The following XG variants were observed in gnomAD, a reference collection of about 807,000 sequenced individuals.
The protein encoded by XG is glycoprotein Xg.
In XG, 24 loss-of-function variants were observed where a neutral mutation model predicts 25.7. That is an observed-to-expected ratio of 0.93 (90% CI 0.68 to 1.31). XG has a LOEUF of 1.31. Ranked by LOEUF, XG falls within the 40% of genes most tolerant of loss-of-function variation. The pLI, the probability that XG is intolerant of heterozygous loss-of-function variation, is 0.00. For missense variants in XG, 181 were observed against 187.6 expected, an observed-to-expected ratio of 0.96 and a Z score of 0.21; for synonymous variants, 77 against 69.2, an observed-to-expected ratio of 1.11 and a Z score of -0.56.
At chrX:2,800,226 C>T (rs1569044046) in intron 7 of XG, among the ~76,000 whole-genome samples, 1 of 111,107 alleles carries the variant, frequency 9.0e-6, no homozygotes, top group Non-Finnish European at 1.9e-5. Context: ...GCAAGGGGGT[C>T]CTTGTTATGC....
intron 1 of XG, among the ~76,000 whole-genome samples, chrX:2,758,782 G>A (rs1004768408): frequency 1.3e-5 from 2 of 152,170 alleles, no homozygotes; most frequent in Non-Finnish European, 2.9e-5. Context: ...ATGTCAGTAG[G>A]ACTGAGGCTG....
At chrX:2,766,061 C>T (rs1263396328) in intron 1 of XG, among the ~76,000 whole-genome samples, 1 of 152,164 alleles carries the variant, frequency 6.6e-6, no homozygotes, top group African/African-American at 2.4e-5. Context: ...TAGGGTTGGA[C>T]AAAAAGGGCC....
chrX:2,761,690 T>A (rs1436081545), intron 1 of XG, among the ~76,000 whole-genome samples: 2 of 150,370 alleles, frequency 1.3e-5, no homozygotes, highest in African/African-American at 2.5e-5. Context: ...GACAGCAGCC[T>A]GAAATGGACT....
At chrX:2,776,830 GA>G (rs2051008273) in intron 3 of XG, among the ~76,000 whole-genome samples, 1 of 150,390 alleles carries the variant, frequency 6.6e-6, no homozygotes, top group African/African-American at 2.5e-5. Context: ...CTGGGCGACA[GA>G]GCGAGACTCC....
At chrX:2,763,061 T>G (rs955749232) in intron 1 of XG, among the ~76,000 whole-genome samples, 20 of 152,298 alleles carry the variant, frequency 1.3e-4, no homozygotes, top group African/African-American at 4.8e-4. Flanking sequence ...TCACCCAGGT[T>G]GCAGTGTAGT....
rs2087087631 is a variant in XG, at chrX:2,814,551, T to C, written c.*171T>C. 1 of 540,116 alleles carries C rather than the reference T, an allele frequency of 1.9e-6. No homozygotes were observed. Among genetic ancestry groups the C allele is most frequent in the Non-Finnish European group, 2.8e-6 (1 of 358,373 alleles). The allele number at this position is 540,116 out of a possible 1,213,427, so 44.5% of individuals were successfully genotyped here. ...CACTAAGCATTCCCAACTCATTGAA[T>C]GTGATGTGGTTATAAAGATAAGTTA... is the stretch of plus-strand genomic sequence containing the variant. On this transcript the variant is annotated 3_prime_UTR_variant, in exon 11 of 11. Transcript: ENST00000644266.
rs766411764 is a variant in XG at position 2,813,313 on chromosome X, T to C, written c.572-1051T>C. The stretch of plus-strand genomic sequence containing the variant: ...ATCTCTTCAAGGGTGAGCAGTGACA[T>C]TTATGTGGATCCTGGGCCTATATCA... On this transcript the variant is annotated intron_variant, in intron 10 of 10. Transcript: ENST00000644266. 3.5e-4 allele frequency among the ~76,000 whole-genome samples: 39 copies of C among 110,939 alleles called. 1 individual carries two copies. Among genetic ancestry groups the C allele is most frequent in the African/African-American group, 1.2e-3 (38 of 30,512 alleles).
chrX:2,775,848 C>T lies in XG; in HGVS notation c.127+1109C>T, dbSNP rs1214889036. On this transcript the variant is annotated intron_variant, in intron 3 of 10. Coordinates refer to ENST00000644266, the MANE Select transcript of XG (RefSeq NM_001141919.2). ...GCACATGTCTGTAATCCCAGCTACT[C>T]GGGAGGCTGAGGCAAGAGAATCACT... 1.0e-4 allele frequency among the ~76,000 whole-genome samples: 15 copies of T among 149,370 alleles called. No individual in the cohort carries two copies. The East Asian group carries it at 1.2e-3, about 12-fold the overall frequency.
intron 5 of XG, among the ~76,000 whole-genome samples, chrX:2,794,109 G>A (rs2086861390): frequency 1.8e-5 from 2 of 110,827 alleles, no homozygotes; most frequent in Non-Finnish European, 3.8e-5. Flanking sequence ...AGGAAGCAGA[G>A]GGAAAGGGGC....
At chrX:2,786,260 C>CTTTTTTTTTTTTTTTTTTTTTTTTT (rs1179667048) in intron 4 of XG, among the ~76,000 whole-genome samples, 10 of 60,565 alleles carry the variant, frequency 1.7e-4, no homozygotes, top group East Asian at 1.4e-3. Context: ...TCCATGTTGT[C>CTTTTTTTTTTTTTTTTTTTTTTTTT]TTTTTTTTTT....
chrX:2,804,525 C>G, intron 7 of XG, among the ~76,000 whole-genome samples: 1 of 111,312 alleles, frequency 9.0e-6, no homozygotes, highest in Non-Finnish European at 1.9e-5. Flanking sequence ...CACCTTGGAG[C>G]GTGTTATATA....
intron 2 of XG, among the ~76,000 whole-genome samples, chrX:2,770,916 G>C (rs2050804278): frequency 1.3e-5 from 2 of 152,054 alleles, no homozygotes; most frequent in African/African-American, 4.8e-5. Context: ...TGCAATCATA[G>C]CTTACCACAT....
At chrX:2,806,828 A>G in intron 8 of XG, 83 bp downstream of exon 8, 2 of 817,918 alleles carry the variant, frequency 2.4e-6, no homozygotes. Context: ...ACTGATGGGA[A>G]GCTGATGCTT....
chrX:2,758,171 T>G (rs1325477164), intron 1 of XG, among the ~76,000 whole-genome samples: 2 of 151,892 alleles, frequency 1.3e-5, no homozygotes, highest in Non-Finnish European at 2.9e-5. Flanking sequence ...TCTAGCAAAT[T>G]TGTAGGTGTG....
chrX:2,787,156 C>T (rs1331971742), intron 4 of XG, among the ~76,000 whole-genome samples: 1 of 107,813 alleles, frequency 9.3e-6, no homozygotes, highest in Non-Finnish European at 1.9e-5. Context: ...GACTTCCAGC[C>T]TCCAGGACTG....
At chrX:2,782,170 G>C in intron 4 of XG, 42 bp downstream of exon 4, 1 of 1,189,069 alleles carries the variant, frequency 8.4e-7, no homozygotes, top group Non-Finnish European at 1.1e-6. Context: ...AATCTGGTTT[G>C]ATGATGTTTG....
chrX:2,761,904 G>T (rs2124417220), intron 1 of XG, among the ~76,000 whole-genome samples: 1 of 152,304 alleles, frequency 6.6e-6, no homozygotes, highest in Non-Finnish European at 1.5e-5. Context: ...CAGTCTTTGG[G>T]ATTGCATTGT....
chrX:2,764,611 T>C (rs766087760), intron 1 of XG, among the ~76,000 whole-genome samples: 9 of 152,244 alleles, frequency 5.9e-5, no homozygotes, highest in African/African-American at 1.9e-4. Flanking sequence ...CTTTCCCCTC[T>C]GTGGGCTTCC....
rs141551103 is a variant in XG at position 2,764,933 on chromosome X, C to T, written c.62-5617C>T. Among the ~76,000 whole-genome samples the T allele has an allele frequency of 4.0e-3, 586 of 146,412 alleles. 3 individuals carry two copies. Among genetic ancestry groups the T allele is most frequent in the African/African-American group, 0.014 (540 of 39,324 alleles). ...GCATGCACCTGTAGTCCCAGCTACT[C>T]AGGAGACTGAGGCACTAGAAGCGCT... On this transcript the variant is annotated intron_variant, in intron 1 of 10. Transcript: ENST00000644266.
Sources: gnomAD v4.1 joint callset for allele counts (sites outside exome capture counted in the v4.1 genomes callset) on GRCh38, gnomAD v4.1.1 for gene constraint, MANE v1.5 for transcripts, NCBI Gene and HGNC (gene_info 2026-07-23, HGNC 2026-07-21) for gene names.